RTF2: variants seen among roughly 807,000 people sequenced by gnomAD.
The protein encoded by RTF2 is UPF0549 protein C20orf43.
In RTF2, 18 loss-of-function variants were observed where a neutral mutation model predicts 38.0. That is an observed-to-expected ratio of 0.47 (90% confidence interval 0.33 to 0.70). RTF2 has a LOEUF of 0.70. Among genes scored for constraint, RTF2 ranks in the 30% least tolerant of loss-of-function variants. The probability of loss-of-function intolerance (pLI) is 0.02; values close to 1 mark genes in which losing one functional copy is unlikely to be tolerated. For missense variants in RTF2, 311 were observed against 379.6 expected (o/e 0.82, Z 1.50); for synonymous variants, 126 against 137.1 (o/e 0.92, Z 0.57).
At chr20:56,496,049 A>G (rs1428289801) in intron 5 of RTF2, among the ~76,000 whole-genome samples, 1 of 152,222 alleles carries the variant, frequency 6.6e-6, no homozygotes, top group Non-Finnish European at 1.5e-5. Context: ...GAATTTTCCA[A>G]AGTCTCAGGA....
intron 5 of RTF2, among the ~76,000 whole-genome samples, chr20:56,492,201 A>G (rs373734249): frequency 9.4e-4 from 143 of 151,842 alleles, no homozygotes; most frequent in African/African-American, 3.3e-3. Flanking sequence ...CATTGCTTCT[A>G]TATTTTTTGG....
intron 5 of RTF2, among the ~76,000 whole-genome samples, chr20:56,493,692 A>C (rs966580085): frequency 1.3e-5 from 2 of 151,842 alleles, no homozygotes; most frequent in Non-Finnish European, 2.9e-5. Flanking sequence ...TATGAAGACT[A>C]TCAGTGGGAG....
At chr20:56,503,667 A>G (rs1193295514) in intron 5 of RTF2, among the ~76,000 whole-genome samples, 3 of 152,312 alleles carry the variant, frequency 2.0e-5, no homozygotes, top group African/African-American at 4.8e-5. Flanking sequence ...ATTTACTTCA[A>G]AAAGTATACC....
In RTF2 at chr20:56,516,961, G is replaced by A; in HGVS notation, c.618G>A (p.Glu206=). The part of the protein sequence containing the change: ...EKKTKKPKAA[E]SVSKPDVSEE... ...AAACAAAGAAACCCAAGGCAGCAGA[G>A]TCTGTTTCAAAACCAGATGTCAGTG... is the stretch of plus-strand genomic sequence containing the variant. Residue 206 remains glutamate (E), a synonymous_variant, in exon 7 of 9, where the codon GAG becomes GAA. Transcript: ENST00000357348. 6.2e-7 allele frequency: 1 copy of A among 1,614,160 alleles called. No individual in the cohort carries two copies. Among genetic ancestry groups the A allele is most frequent in the Admixed American group, 1.7e-5 (1 of 60,022 alleles).
Position 56,484,176 on chromosome 20 carries a change from A to C in RTF2, c.464A>C (p.Glu155Ala). The C allele has an allele frequency of 6.2e-7, 1 of 1,614,004 alleles. No homozygotes were observed. Among genetic ancestry groups the C allele is most frequent in the Non-Finnish European group, 8.5e-7 (1 of 1,179,872 alleles). Residue 155 changes from glutamate (E) to alanine (A), a missense_variant, in exon 5 of 9, where the codon GAA (glutamate) becomes GCA (alanine). Coordinates refer to ENST00000357348, the MANE Select transcript of RTF2 (RefSeq NM_016407.5). ...SERALKEIKA[E>A]VCHTCGAAFQ... ...CGAGCCTTGAAAGAGATAAAAGCGG[A>C]AGTTTGCCACACGGTGAGTTCCTGA...
chr20:56,477,344 C>G (rs1200371497), intron 4 of RTF2, among the ~76,000 whole-genome samples: 1 of 152,058 alleles, frequency 6.6e-6, no homozygotes, highest in African/African-American at 2.4e-5. Flanking sequence ...TGCGGCCTTC[C>G]GTTCTTGAGG....
intron 2 of RTF2, among the ~76,000 whole-genome samples, chr20:56,473,619 C>G (rs1277810748): frequency 6.6e-6 from 1 of 152,136 alleles, no homozygotes; most frequent in Non-Finnish European, 1.5e-5. Flanking sequence ...CGCAGTGGCT[C>G]ACACCTGTAA....
At chr20:56,478,319 T>C (rs537940972) in intron 4 of RTF2, among the ~76,000 whole-genome samples, 13 of 152,204 alleles carry the variant, frequency 8.5e-5, no homozygotes, top group African/African-American at 2.9e-4. Context: ...TGAGACCCTG[T>C]CTTTACGAAA....
chr20:56,513,410 G>C lies in RTF2; in HGVS notation c.573G>C (p.Leu191=). 1.9e-6 allele frequency: 3 copies of C among 1,601,482 alleles called. No homozygotes were observed. The highest frequency in any genetic ancestry group is 2.6e-6 in the Non-Finnish European group (3 of 1,174,480). The change falls in exon 6 of 9, where the codon CTG becomes CTC. Residue 191 remains leucine, a synonymous_variant. Transcript: ENST00000357348. ...VLKTRMEERR[L]RAKLEKKTKK... The stretch of plus-strand genomic sequence containing the variant: ...AGACAAGGATGGAGGAGAGAAGGCT[G>C]AGAGCGAAGCTGGAAAAGGTAATGG...
chr20:56,491,070 C>G (rs1470615281), intron 5 of RTF2, among the ~76,000 whole-genome samples: 2 of 152,180 alleles, frequency 1.3e-5, no homozygotes, highest in African/African-American at 4.8e-5. Context: ...CTGTTTTACC[C>G]AGAGAAATAC....
intron 2 of RTF2, 93 bp from the exon 3 acceptor site, chr20:56,474,584 TA>T: frequency 1.4e-6 from 1 of 714,266 alleles, no homozygotes; most frequent in Non-Finnish European, 2.3e-6. Context: ...TTATCAAATG[TA>T]AACGACTTTT....
chr20:56,509,211 A>G (rs1984475711), intron 5 of RTF2, among the ~76,000 whole-genome samples: 1 of 152,336 alleles, frequency 6.6e-6, no homozygotes, highest in Non-Finnish European at 1.5e-5. Context: ...GAGAAGGTAT[A>G]CAGATGGTCA....
At chr20:56,468,799 G>C (rs191855780) in intron 1 of RTF2, 33 bp downstream of exon 1, 22 of 1,542,738 alleles carry the variant, frequency 1.4e-5, no homozygotes, top group Middle Eastern at 1.7e-4. Flanking sequence ...TGGCGACCGG[G>C]GGTGGTGGGA....
chr20:56,518,299 T>G lies in RTF2; in HGVS notation c.*34T>G. On this transcript the variant is annotated 3_prime_UTR_variant, in exon 9 of 9. Transcript: ENST00000357348. Reference sequence around the variant, plus strand: ...CTGCCACCGCTCCTGCCCCAGAAGGTTGTTTAGTTTCCACGTAGGCAGGTC... The same window carrying G: ...CTGCCACCGCTCCTGCCCCAGAAGGGTGTTTAGTTTCCACGTAGGCAGGTC... The G allele has an allele frequency of 6.3e-7, 1 of 1,591,406 alleles. No homozygotes were observed. The highest frequency in any genetic ancestry group is 8.5e-7 in the Non-Finnish European group (1 of 1,169,794).
intron 5 of RTF2, among the ~76,000 whole-genome samples, chr20:56,497,934 G>A (rs1431884161): frequency 6.6e-6 from 1 of 152,206 alleles, no homozygotes; most frequent in African/African-American, 2.4e-5. Flanking sequence ...TTCCACAGTG[G>A]TTGTACCAGC....
At chr20:56,497,570 C>T (rs1255202205) in intron 5 of RTF2, 1 of 1,355,726 alleles carries the variant, frequency 7.4e-7, no homozygotes, top group Non-Finnish European at 9.8e-7. Context: ...TGACTGCCCT[C>T]ACGACAAGTC....
chr20:56,490,409 G>A (rs1382013970), intron 5 of RTF2, among the ~76,000 whole-genome samples: 2 of 152,210 alleles, frequency 1.3e-5, no homozygotes, highest in African/African-American at 2.4e-5. Flanking sequence ...CAGCAAAGTC[G>A]TGGACTTTCT....
At chr20:56,482,367 T>G (rs1017439627) in intron 4 of RTF2, among the ~76,000 whole-genome samples, 1 of 152,262 alleles carries the variant, frequency 6.6e-6, no homozygotes, top group Admixed American at 6.5e-5. Flanking sequence ...TAAATAGTTG[T>G]TATACTGTAT....
intron 4 of RTF2, among the ~76,000 whole-genome samples, chr20:56,481,736 C>G (rs987316789): frequency 6.6e-6 from 1 of 152,174 alleles, no homozygotes; most frequent in Non-Finnish European, 1.5e-5. Context: ...CAGTGTTGTA[C>G]GGTCACCACC....
Sources: allele counts gnomAD v4.1 joint callset (sites outside exome capture counted in the v4.1 genomes callset), GRCh38; gene constraint gnomAD v4.1.1; transcripts MANE v1.5; gene names NCBI Gene and HGNC (gene_info 2026-07-23, HGNC 2026-07-21).